Variants in CNOT9 observed in about 807,000 individuals in gnomAD.
CNOT9 encodes the protein CCR4-NOT transcription complex subunit 9, also known as RCD1 required for cell differentiation1 homolog.
In CNOT9, 8 loss-of-function variants were observed where a neutral mutation model predicts 37.4. That is an observed-to-expected ratio of 0.21 (90% CI 0.13 to 0.39). The LOEUF is 0.39. Among genes scored for constraint, CNOT9 ranks in the 10% least tolerant of loss-of-function variants. CNOT9 has a pLI of 1.00. For synonymous variants in CNOT9, 120 were observed against 137.6 expected, an observed-to-expected ratio of 0.87 and a Z score of 0.90; for missense variants, 154 against 365.3, an observed-to-expected ratio of 0.42 and a Z score of 4.71.
chr2:218,583,167 G>C, intron 3 of CNOT9, 81 bp downstream of exon 3: 1 of 819,878 alleles, frequency 1.2e-6, no homozygotes, highest in Admixed American at 1.9e-5. Context: ...AAAAGGAAGG[G>C]CATGGAGGAG....
chr2:218,583,051 A>G lies in CNOT9; in HGVS notation c.285A>G (p.Ala95=). The change falls in exon 3 of 8, where the codon GCA becomes GCG. Residue 95 remains alanine (A), a synonymous_variant. Transcript: ENST00000273064. The stretch of plus-strand genomic sequence containing the variant: ...CTAACAGAGTTTGCAATGCTCTGGC[A>G]TTACTGCAATGTGTAGCATCACATC... ...HQSNRVCNAL[A]LLQCVASHPE... The G allele has an allele frequency of 2.5e-6, 4 of 1,613,962 alleles. No homozygotes were observed. The highest frequency in any genetic ancestry group is 1.6e-4 in the Middle Eastern group (1 of 6,062).
intron 1 of CNOT9, among the ~76,000 whole-genome samples, chr2:218,575,204 T>A (rs1694124045): frequency 6.6e-6 from 1 of 152,148 alleles, no homozygotes; most frequent in African/African-American, 2.4e-5. Flanking sequence ...ACACATGTAG[T>A]TCCTTGCAAA....
intron 1 of CNOT9, chr2:218,572,560 T>A: frequency 2.5e-6 from 1 of 397,028 alleles, no homozygotes; most frequent in Non-Finnish European, 3.4e-6. Context: ...GTTTAAAAAT[T>A]TTCCAGGCTG....
chr2:218,573,187 A>T (rs1357795413), intron 1 of CNOT9, among the ~76,000 whole-genome samples: 1 of 152,062 alleles, frequency 6.6e-6, no homozygotes, highest in Non-Finnish European at 1.5e-5. Context: ...GCGTCATGGC[A>T]TGCGCTTGTA....
intron 5 of CNOT9, among the ~76,000 whole-genome samples, chr2:218,591,003 C>A (rs1694755441): frequency 6.6e-6 from 1 of 152,048 alleles, no homozygotes; most frequent in South Asian, 2.1e-4. Context: ...CTCTACATCG[C>A]TTTTAAGGAC....
In CNOT9 at chr2:218,568,880, C is replaced by G; in HGVS notation, c.-75C>G. On this transcript the variant is annotated 5_prime_UTR_variant, in exon 1 of 8. Coordinates refer to ENST00000273064, the MANE Select transcript of CNOT9 (RefSeq NM_005444.3). ...GCGGCTACGGCGGCTCATTGTTTTCCGCTGCAGGGGTGCTGAAGGGGGGAC... is the reference window on the plus strand; with the variant it reads ...GCGGCTACGGCGGCTCATTGTTTTCGGCTGCAGGGGTGCTGAAGGGGGGAC... 6.5e-7 allele frequency: 1 copy of G among 1,532,338 alleles called. No homozygotes were observed. Among genetic ancestry groups the G allele is most frequent in the South Asian group, 1.2e-5 (1 of 84,868 alleles). 94.9% of individuals were successfully genotyped at this position (1,532,338 alleles called of 1,614,324 possible).
intron 1 of CNOT9, among the ~76,000 whole-genome samples, chr2:218,575,506 C>T (rs930496510): frequency 6.9e-6 from 1 of 145,652 alleles, no homozygotes; most frequent in African/African-American, 2.4e-5. Flanking sequence ...CCCGGGTTCA[C>T]GCCATTCTGC....
intron 5 of CNOT9, among the ~76,000 whole-genome samples, chr2:218,590,278 A>C (rs908080348): frequency 6.6e-6 from 1 of 152,192 alleles, no homozygotes; most frequent in African/African-American, 2.4e-5. Context: ...CATGTAGCCC[A>C]TGCTAGTCTT....
rs1694605830 is a variant in CNOT9 at position 218,586,619 on chromosome 2, G to C, written c.431-967G>C. 2.6e-5 allele frequency among the ~76,000 whole-genome samples: 4 copies of C among 151,948 alleles called. No homozygotes were observed. In the South Asian group the frequency reaches 8.3e-4, roughly 32 times the overall value. On this transcript the variant is annotated intron_variant, in intron 4 of 7. Coordinates refer to ENST00000273064, the MANE Select transcript of CNOT9 (RefSeq NM_005444.3). ...TTCTTCTGCCTCAGCATCCCGAGTA[G>C]CTGGGACTACAGGTGCGTGCCACCA...
intron 5 of CNOT9, among the ~76,000 whole-genome samples, chr2:218,588,287 C>CTTTTTTT (rs539751873): frequency 1.7e-4 from 24 of 141,550 alleles, no homozygotes; most frequent in Non-Finnish European, 2.9e-4. Context: ...AATCATATAT[C>CTTTTTTT]TTTTTTTTTT....
chr2:218,583,192 T>C, intron 3 of CNOT9, 106 bp downstream of exon 3: 1 of 419,598 alleles, frequency 2.4e-6, no homozygotes, highest in Non-Finnish European at 4.1e-6. Context: ...AGAGAGAACG[T>C]TTGTGTGTGT....
At chr2:218,587,142 C>CT (rs970427077) in intron 4 of CNOT9, among the ~76,000 whole-genome samples, 23 of 146,942 alleles carry the variant, frequency 1.6e-4, no homozygotes, top group South Asian at 6.5e-4. Context: ...GTGCAGAAAG[C>CT]TTTTTTTTTT....
At chr2:218,580,296 A>AC (rs1694330184) in intron 1 of CNOT9, among the ~76,000 whole-genome samples, 1 of 152,168 alleles carries the variant, frequency 6.6e-6, no homozygotes, top group Non-Finnish European at 1.5e-5. Flanking sequence ...ACAGTGCAAC[A>AC]GTAAACATCC....
intron 1 of CNOT9, among the ~76,000 whole-genome samples, chr2:218,569,229 C>T (rs937210307): frequency 6.6e-6 from 1 of 152,182 alleles, no homozygotes; most frequent in African/African-American, 2.4e-5. Context: ...TGGTCCCACG[C>T]CCGTAGCAGG....
At chr2:218,584,768 A>C in intron 4 of CNOT9, 47 bp downstream of exon 4, 1 of 1,321,352 alleles carries the variant, frequency 7.6e-7, no homozygotes, top group Non-Finnish European at 1.1e-6. Flanking sequence ...TCACAGTAGT[A>C]GTCTAAGTTG....
At chr2:218,593,449 A>G (rs779442345) in intron 7 of CNOT9, 102 of 837,652 alleles carry the variant, frequency 1.2e-4, no homozygotes, top group Non-Finnish European at 1.6e-4. Context: ...CTACTTGTAC[A>G]AAGAAAACTA....
In CNOT9 at chr2:218,594,466, G is replaced by T; in HGVS notation, c.*190G>T. 1.6e-6 allele frequency: 1 copy of T among 613,246 alleles called. No homozygotes were observed. Among genetic ancestry groups the T allele is most frequent in the Non-Finnish European group, 2.8e-6 (1 of 361,588 alleles). The allele number at this position is 613,246 out of a possible 1,614,324, so 38.0% of individuals were successfully genotyped here. A position where few individuals can be genotyped will look rare whatever the true frequency, so the allele number is the denominator to read the frequency against. ...ATCTCAGGCTGTCTTGAGGACCTGGGCTCCCTCTGCTACTCCCAGGAAATG... is the reference window on the plus strand; with the variant it reads ...ATCTCAGGCTGTCTTGAGGACCTGGTCTCCCTCTGCTACTCCCAGGAAATG... On this transcript the variant is annotated 3_prime_UTR_variant, in exon 8 of 8. Transcript: ENST00000273064.
chr2:218,578,118 A>G (rs1052925153), intron 1 of CNOT9, among the ~76,000 whole-genome samples: 3 of 152,240 alleles, frequency 2.0e-5, no homozygotes, highest in South Asian at 4.1e-4. Context: ...AAAGGAGGAA[A>G]AAAGCTACCA....
chr2:218,578,050 C>T (rs1287808189), intron 1 of CNOT9, among the ~76,000 whole-genome samples: 4 of 152,184 alleles, frequency 2.6e-5, no homozygotes, highest in Non-Finnish European at 4.4e-5. Context: ...AGTTGAGGGC[C>T]TGTTTGTGGC....
Sources: allele counts gnomAD v4.1 joint callset (sites outside exome capture counted in the v4.1 genomes callset), GRCh38; gene constraint gnomAD v4.1.1; transcripts MANE v1.5; gene names NCBI Gene and HGNC (gene_info 2026-07-23, HGNC 2026-07-21).